Variants in OSBPL9 observed in about 807,000 individuals in gnomAD.
The protein encoded by OSBPL9 is oxysterol-binding protein-related protein 9.
A neutral mutation model predicts 106.6 loss-of-function variants in OSBPL9; 40 were observed. The ratio of observed to expected loss-of-function variants is 0.38; its 90% CI spans 0.29 to 0.49. The LOEUF is 0.49. OSBPL9 is among the 20% of genes least tolerant of loss of function. OSBPL9 has a pLI of 0.97. For synonymous variants in OSBPL9, 269 were observed against 295.4 expected, an observed-to-expected ratio of 0.91 and a Z score of 0.92; for missense variants, 609 against 887.2, an observed-to-expected ratio of 0.69 and a Z score of 3.98.
intron 1 of OSBPL9, among the ~76,000 whole-genome samples, chr1:51,628,082 C>G (rs550396578): frequency 1.4e-5 from 2 of 146,588 alleles, no homozygotes; most frequent in Admixed American, 6.8e-5. Context: ...TTGGAAAGGA[C>G]TATTGCAGTA....
chr1:51,584,030 A>C (rs1386786304), intron 1 of OSBPL9, among the ~76,000 whole-genome samples: 1 of 151,952 alleles, frequency 6.6e-6, no homozygotes, highest in East Asian at 1.9e-4. Context: ...TTATTTATTT[A>C]CTTTTTTTAG....
intron 23 of OSBPL9, 103 bp from the exon 24 acceptor site, chr1:51,787,612 C>A: frequency 6.3e-7 from 1 of 1,599,188 alleles, no homozygotes; most frequent in Non-Finnish European, 8.5e-7. Flanking sequence ...ACTTGAAACT[C>A]ATTTCAGTCT....
chr1:51,730,064 G>C, intron 4 of OSBPL9: 2 of 1,275,320 alleles, frequency 1.6e-6, no homozygotes, highest in Non-Finnish European at 2.0e-6. Context: ...CCGGGGTCCC[G>C]GCCGCCAGGC....
At chr1:51,637,422 GA>G (rs1212937501) in intron 1 of OSBPL9, among the ~76,000 whole-genome samples, 1 of 151,370 alleles carries the variant, frequency 6.6e-6, no homozygotes, top group Non-Finnish European at 1.5e-5. Context: ...ACAGTGAGCC[GA>G]GATCACACCA....
At chr1:51,655,154 G>T (rs935566092) in intron 2 of OSBPL9, among the ~76,000 whole-genome samples, 1 of 152,158 alleles carries the variant, frequency 6.6e-6, no homozygotes, top group East Asian at 1.9e-4. Context: ...AGACATCTCT[G>T]TTGGGTTTTG....
chr1:51,520,409 T>C, the OSBPL9 span, among the ~76,000 whole-genome samples: 1 of 152,156 alleles, frequency 6.6e-6, no homozygotes, highest in Non-Finnish European at 1.5e-5. Flanking sequence ...ACACCCCACC[T>C]CTAAGTTGTT....
chr1:51,578,811 A>C (rs1188078380), intron 1 of OSBPL9, among the ~76,000 whole-genome samples: 1 of 152,250 alleles, frequency 6.6e-6, no homozygotes, highest in Non-Finnish European at 1.5e-5. Context: ...GTAAACAAAC[A>C]GTAAACAAGT....
chr1:51,599,800 T>C (rs1484114830), intron 2 of OSBPL9, among the ~76,000 whole-genome samples: 2 of 152,226 alleles, frequency 1.3e-5, no homozygotes, highest in Admixed American at 1.3e-4. Context: ...ACAAAGTACC[T>C]AAGACTGGGA....
At chr1:51,651,938 A>G in intron 1 of OSBPL9, 53 bp from the exon 2 acceptor site, 1 of 1,424,412 alleles carries the variant, frequency 7.0e-7, no homozygotes, top group Non-Finnish European at 9.8e-7. Flanking sequence ...TTCTAAAAAC[A>G]ATTTACCAGT....
intron 3 of OSBPL9, among the ~76,000 whole-genome samples, chr1:51,690,488 T>C (rs138552171): frequency 6.6e-6 from 1 of 152,354 alleles, no homozygotes; most frequent in Non-Finnish European, 1.5e-5. Flanking sequence ...GCTAAAACTA[T>C]TCATAAATTG....
chr1:51,723,099 A>C (rs1277221497), intron 4 of OSBPL9, among the ~76,000 whole-genome samples: 4 of 152,184 alleles, frequency 2.6e-5, no homozygotes, highest in African/African-American at 4.8e-5. Context: ...CCCTACTATC[A>C]ACATCCCCCA....
At chr1:51,520,186 G>A in the OSBPL9 span, among the ~76,000 whole-genome samples, 5 of 152,222 alleles carry the variant, frequency 3.3e-5, no homozygotes, top group South Asian at 6.2e-4. Context: ...CTCCTCAATG[G>A]CAAGAACTGT....
chr1:51,714,593 G>A (rs577039813), intron 4 of OSBPL9, among the ~76,000 whole-genome samples: 9 of 152,300 alleles, frequency 5.9e-5, no homozygotes, highest in Non-Finnish European at 8.8e-5. Context: ...ATGTCATGAG[G>A]ACTCAGATCT....
chr1:51,743,321 T>C (rs1003542373), intron 4 of OSBPL9, among the ~76,000 whole-genome samples: 1 of 152,158 alleles, frequency 6.6e-6, no homozygotes, highest in African/African-American at 2.4e-5. Flanking sequence ...TGGAAGACTA[T>C]CTAGAGGCAA....
At chr1:51,543,841 T>C in the OSBPL9 span, among the ~76,000 whole-genome samples, 1 of 152,214 alleles carries the variant, frequency 6.6e-6, no homozygotes, top group South Asian at 2.1e-4. Flanking sequence ...TGTAGACCTC[T>C]TTGGAAGGAA....
At chr1:51,567,419 T>A in the OSBPL9 span, 6 of 152,314 alleles carry the variant, frequency 3.9e-5, no homozygotes, top group Non-Finnish European at 5.9e-5. Flanking sequence ...CCTAGGTGTC[T>A]CTAACTTGAT....
At chr1:51,601,727 GC>G (rs1309023716) in intron 2 of OSBPL9, among the ~76,000 whole-genome samples, 2 of 152,122 alleles carry the variant, frequency 1.3e-5, no homozygotes, top group African/African-American at 4.8e-5. Flanking sequence ...CCTTGTGAAA[GC>G]CCTTCTTACC....
the OSBPL9 span, among the ~76,000 whole-genome samples, chr1:51,531,802 A>T: frequency 1.3e-5 from 2 of 152,138 alleles, no homozygotes; most frequent in Non-Finnish European, 2.9e-5. Flanking sequence ...AGACTGTCCA[A>T]GTGTCTATAA....
chr1:51,718,398 A>G (rs1557734737), intron 4 of OSBPL9, among the ~76,000 whole-genome samples: 1 of 152,192 alleles, frequency 6.6e-6, no homozygotes. Context: ...ATGGATACCT[A>G]TTTACCCTGA....
Sources: gnomAD v4.1 joint callset for allele counts (sites outside exome capture counted in the v4.1 genomes callset) on GRCh38, gnomAD v4.1.1 for gene constraint, MANE v1.5 for transcripts, NCBI Gene and HGNC (gene_info 2026-07-23, HGNC 2026-07-21) for gene names.